PDCD6: variants seen among roughly 807,000 people sequenced by gnomAD.
The protein encoded by PDCD6 is programmed cell death protein 6.
PDCD6 carries 12 observed loss-of-function variants against 28.3 expected under a neutral mutation model. The observed-to-expected ratio is 0.42, with a 90% CI of 0.27 to 0.69. The LOEUF (loss-of-function observed/expected upper bound fraction) is 0.69. PDCD6 is among the 30% of genes least tolerant of loss of function. The pLI is 0.22. For synonymous variants in PDCD6, 92 were observed against 108.0 expected, an observed-to-expected ratio of 0.85 and a Z score of 0.92; for missense variants, 226 against 269.9, an observed-to-expected ratio of 0.84 and a Z score of 1.14.
intron 2 of PDCD6, among the ~76,000 whole-genome samples, chr5:302,107 TGCCTTGGGTTCAG>T (rs1740107155): frequency 3.6e-5 from 4 of 111,682 alleles, no homozygotes; most frequent in Non-Finnish European, 5.3e-5. Flanking sequence ...TGTGTGTGTG[TGCCTTGGGTTCAG>T]GTGCACCTGC....
chr5:300,554 C>T (rs1373412728), intron 2 of PDCD6, among the ~76,000 whole-genome samples: 1 of 152,258 alleles, frequency 6.6e-6, no homozygotes, highest in Non-Finnish European at 1.5e-5. Flanking sequence ...TGACAAGTGA[C>T]TCCATGGCCT....
chr5:301,698 G>T (rs1450915790), intron 2 of PDCD6, among the ~76,000 whole-genome samples: 1 of 105,066 alleles, frequency 9.5e-6, no homozygotes, highest in African/African-American at 3.7e-5. Flanking sequence ...CTGTGTGTGT[G>T]GGCCTCAGGT....
rs1190770970 is a variant in PDCD6, at chr5:271,663, C to T, written c.-58C>T. ...CCCCCGGCAGAGGCGGAAGCGGAGT[C>T]GGCCTGAGAGGTCTCTCGTCGCTGC... On this transcript the variant is annotated 5_prime_UTR_variant, in exon 1 of 6. Coordinates refer to ENST00000264933, the MANE Select transcript of PDCD6 (RefSeq NM_013232.4). 5.0e-6 allele frequency: 5 copies of T among 992,492 alleles called. No individual in the cohort carries two copies. The highest frequency in any genetic ancestry group is 7.6e-6 in the Non-Finnish European group (5 of 654,124). The allele number at this position is 992,492 out of a possible 1,614,324, so 61.5% of individuals were successfully genotyped here. A position where few individuals can be genotyped will look rare whatever the true frequency, so the allele number is the denominator to read the frequency against.
At chr5:274,008 T>C (rs1464698210) in intron 2 of PDCD6, among the ~76,000 whole-genome samples, 5 of 151,686 alleles carry the variant, frequency 3.3e-5, no homozygotes, top group African/African-American at 1.2e-4. Context: ...TAGAAAGAGA[T>C]GTCAAGAGAA....
chr5:289,363 T>A, intron 2 of PDCD6: 1 of 575,538 alleles, frequency 1.7e-6, no homozygotes, highest in South Asian at 2.2e-5. Flanking sequence ...AATACAAGAA[T>A]TTGAGGATCT....
Position 311,341 on chromosome 5 carries a change from A to G in PDCD6, c.416A>G (p.Asp139Gly), listed in dbSNP as rs1355076299. ...QFHDILIRKF[D>G]RQGRGQIAFD... ...CACGACATCCTCATTCGAAAGTTTG[A>G]CAGGCAGGGACGGGGGCAGATTGCC... The change falls in exon 5 of 6, where the codon GAC (aspartate) becomes GGC (glycine). Residue 139 changes from aspartate (D) to glycine (G), a missense_variant. Physicochemically the swap from Asp to Gly is moderately conservative, Grantham distance 94 (BLOSUM62 -1). Coordinates refer to ENST00000264933, the MANE Select transcript of PDCD6 (RefSeq NM_013232.4). The G allele has an allele frequency of 6.2e-7, 1 of 1,614,064 alleles. No homozygotes were observed. Among genetic ancestry groups the G allele is most frequent in the Admixed American group, 1.7e-5 (1 of 60,010 alleles).
chr5:279,223 C>T (rs1397469874), intron 2 of PDCD6, among the ~76,000 whole-genome samples: 3 of 152,188 alleles, frequency 2.0e-5, no homozygotes, highest in East Asian at 1.9e-4. Context: ...ATGACGCAGC[C>T]GCATCCTTGC....
chr5:296,048 A>T (rs1416345194), intron 2 of PDCD6, among the ~76,000 whole-genome samples: 2 of 152,124 alleles, frequency 1.3e-5, no homozygotes, highest in African/African-American at 2.4e-5. Flanking sequence ...TGATCTGGTG[A>T]GTCTCTCTTC....
intron 2 of PDCD6, among the ~76,000 whole-genome samples, chr5:273,833 G>A (rs969241084): frequency 2.5e-4 from 38 of 152,068 alleles, no homozygotes; most frequent in African/African-American, 8.9e-4. Flanking sequence ...TATTTCACAT[G>A]CATTTCTATA....
chr5:310,761 C>T (rs1052894691), intron 4 of PDCD6: 2 of 158,792 alleles, frequency 1.3e-5, no homozygotes, highest in Admixed American at 1.3e-4. Context: ...GGGCACATCC[C>T]CCAGCCACTC....
chr5:306,643 GAGTTCACGGGTGTGTGGA>G lies in PDCD6; in HGVS notation c.254_271del (p.Phe85_Lys90del). 6.2e-7 allele frequency: 1 copy of G among 1,613,942 alleles called. No homozygotes were observed. The highest frequency in any genetic ancestry group is 8.5e-7 in the Non-Finnish European group (1 of 1,179,922). On this transcript the variant is annotated inframe_deletion, in exon 4 of 6. Transcript: ENST00000264933. ...GAACAAGGCCGGCGTGAACTTCAGC[GAGTTCACGGGTGTGTGGA>G]AGTACATCACGGACTGGCAGAACGT...
chr5:291,911 CA>C (rs1739338486), intron 2 of PDCD6, among the ~76,000 whole-genome samples: 1 of 152,222 alleles, frequency 6.6e-6, no homozygotes, highest in Non-Finnish European at 1.5e-5. Flanking sequence ...CAGTAGCTTT[CA>C]AGTTTTAAAA....
chr5:289,502 C>T, intron 2 of PDCD6: 1 of 721,390 alleles, frequency 1.4e-6, no homozygotes, highest in Non-Finnish European at 2.5e-6. Context: ...GCTTCTGTTT[C>T]TTCTACCATA....
intron 1 of PDCD6, among the ~76,000 whole-genome samples, chr5:272,363 A>T (rs941858787): frequency 4.0e-5 from 6 of 148,700 alleles, no homozygotes; most frequent in African/African-American, 1.3e-4. Flanking sequence ...TTTTCCACCG[A>T]ATGTCCGAAA....
chr5:288,416 A>G (rs1739117454), intron 2 of PDCD6, among the ~76,000 whole-genome samples: 1 of 151,306 alleles, frequency 6.6e-6, no homozygotes, highest in African/African-American at 2.4e-5. Flanking sequence ...TGTTGAAACT[A>G]TGACCAAAAT....
intron 2 of PDCD6, among the ~76,000 whole-genome samples, chr5:288,292 T>TTATA (rs1554006388): frequency 1.6e-3 from 171 of 107,108 alleles, no homozygotes; most frequent in East Asian, 2.8e-3. Flanking sequence ...AATATATATA[T>TTATA]TATATATATA....
chr5:312,322 A>G (rs926690527), intron 5 of PDCD6: 1 of 152,178 alleles, frequency 6.6e-6, no homozygotes, highest in African/African-American at 2.4e-5. Flanking sequence ...CCAGGTCTCT[A>G]CCCAGGTTCC....
rs567777862 is a variant in PDCD6, at chr5:285,977, C to T, written c.163+13205C>T. Reference sequence around the variant, plus strand: ...GTAGCTGATGTTCCAGTTTGAGGGCCGTGCAGCTGGAGACCCAGGTGGGAG... The same window carrying T: ...GTAGCTGATGTTCCAGTTTGAGGGCTGTGCAGCTGGAGACCCAGGTGGGAG... On this transcript the variant is annotated intron_variant, in intron 2 of 5. Coordinates refer to ENST00000264933, the MANE Select transcript of PDCD6 (RefSeq NM_013232.4). 1.4e-4 allele frequency among the ~76,000 whole-genome samples: 21 copies of T among 145,466 alleles called. No individual in the cohort carries two copies. In the South Asian group the frequency reaches 4.4e-3, roughly 31 times the overall value.
chr5:300,841 C>T (rs992358813), intron 2 of PDCD6, among the ~76,000 whole-genome samples: 2 of 152,092 alleles, frequency 1.3e-5, no homozygotes, highest in African/African-American at 4.8e-5. Context: ...CCCGGGACAA[C>T]CTCTGCTCTC....
Sources: gnomAD v4.1 joint callset for allele counts (sites outside exome capture counted in the v4.1 genomes callset) on GRCh38, gnomAD v4.1.1 for gene constraint, MANE v1.5 for transcripts, NCBI Gene and HGNC (gene_info 2026-07-23, HGNC 2026-07-21) for gene names.